Variants in MPPED1 observed in about 807,000 individuals in gnomAD.
The protein encoded by MPPED1 is metallophosphoesterase domain-containing protein 1.
In MPPED1, 16 loss-of-function variants were observed where a neutral mutation model predicts 36.2. That is an observed-to-expected ratio of 0.44 (90% confidence interval 0.30 to 0.67). The LOEUF (loss-of-function observed/expected upper bound fraction) is 0.67, where lower values mean the gene tolerates loss of function less well. MPPED1 is among the 30% of genes least tolerant of loss of function. The pLI is 0.10. For synonymous variants in MPPED1, 199 were observed against 191.3 expected, an observed-to-expected ratio of 1.04 and a Z score of -0.33; for missense variants, 307 against 453.4, an observed-to-expected ratio of 0.68 and a Z score of 2.93.
chr22:43,481,268 A>T (rs183579123), intron 4 of MPPED1, among the ~76,000 whole-genome samples: 212 of 152,262 alleles, frequency 1.4e-3, no homozygotes, highest in East Asian at 6.6e-3. Context: ...GCCTAGCACC[A>T]TGTGTAGAAA....
intron 3 of MPPED1, among the ~76,000 whole-genome samples, chr22:43,473,720 G>A (rs1015211602): frequency 1.3e-5 from 2 of 152,188 alleles, no homozygotes; most frequent in East Asian, 1.9e-4. Flanking sequence ...GGGCAGGGGC[G>A]AGTGGCGTTT....
intron 3 of MPPED1, among the ~76,000 whole-genome samples, chr22:43,470,429 A>C (rs1037273464): frequency 6.6e-6 from 1 of 152,124 alleles, no homozygotes; most frequent in African/African-American, 2.4e-5. Context: ...CCATTCATCC[A>C]TCCGTCCATC....
chr22:43,434,915 TG>T, intron 2 of MPPED1, 118 bp from the exon 3 acceptor site: 1 of 1,099,954 alleles, frequency 9.1e-7, no homozygotes. Flanking sequence ...GTCCCTGGTC[TG>T]GTGGATCTGA....
rs551140830 is a variant in MPPED1 at position 43,443,954 on chromosome 22, C to T, written c.406+8739C>T. ...CCAGTGTGATTGATAAACTGAGTGA[C>T]CACCTGGAGAGTGAGATCAAGGCTC... On this transcript the variant is annotated intron_variant, in intron 3 of 6. Transcript: ENST00000443721. Among the ~76,000 whole-genome samples, 10 of 152,242 alleles carry T rather than the reference C, an allele frequency of 6.6e-5. No individual in the cohort carries two copies. In the East Asian group the frequency reaches 1.9e-3, roughly 29 times the overall value.
intron 4 of MPPED1, among the ~76,000 whole-genome samples, chr22:43,492,314 C>CACAGTTGGG (rs2146906530): frequency 6.6e-6 from 1 of 152,192 alleles, no homozygotes; most frequent in African/African-American, 2.4e-5. Context: ...AAGATGAGCT[C>CACAGTTGGG]ACAGTTGGGT....
At chr22:43,469,116 G>A (rs1931272897) in intron 3 of MPPED1, among the ~76,000 whole-genome samples, 1 of 152,092 alleles carries the variant, frequency 6.6e-6, no homozygotes, top group Non-Finnish European at 1.5e-5. Flanking sequence ...CACCTGCTTG[G>A]AGAACAGCTA....
In MPPED1 at chr22:43,453,754, G is replaced by T. The variant is rs543347740; in HGVS notation, c.406+18539G>T. On this transcript the variant is annotated intron_variant, in intron 3 of 6. Coordinates refer to ENST00000443721, the MANE Select transcript of MPPED1 (RefSeq NM_001044370.2). Reference sequence around the variant, plus strand: ...CCTGCTCACACTTCTAGTTGTCTAAGATCCAGGCTCCCCAGATTATTTATT... The same window carrying T: ...CCTGCTCACACTTCTAGTTGTCTAATATCCAGGCTCCCCAGATTATTTATT... Among the ~76,000 whole-genome samples, 39 of 152,278 alleles carry T rather than the reference G, an allele frequency of 2.6e-4. 1 individual carries two copies. The South Asian group carries it at 7.9e-3, about 31-fold the overall frequency.
At chr22:43,453,749 T>G (rs1279478397) in intron 3 of MPPED1, among the ~76,000 whole-genome samples, 1 of 152,206 alleles carries the variant, frequency 6.6e-6, no homozygotes, top group Non-Finnish European at 1.5e-5. Context: ...CTTCTAGTTG[T>G]CTAAGATCCA....
At chr22:43,412,574 G>T (rs1024107355) in intron 1 of MPPED1, among the ~76,000 whole-genome samples, 2 of 152,160 alleles carry the variant, frequency 1.3e-5, no homozygotes, top group African/African-American at 4.8e-5. Flanking sequence ...ACTTGGGGGG[G>T]AAGAGATAGG....
intron 3 of MPPED1, among the ~76,000 whole-genome samples, chr22:43,440,986 G>T (rs1260474393): frequency 6.6e-6 from 1 of 151,734 alleles, no homozygotes; most frequent in South Asian, 2.1e-4. Flanking sequence ...CCATCCTTAG[G>T]CCTCTCACCC....
At position 43,505,576 on chromosome 22, in the gene MPPED1, C is replaced by T. The variant is rs776867879; in HGVS notation, c.941C>T (p.Pro314Leu). ...VCTVNYQPVNPPIVIDLPTPR... is the reference protein window; with the variant it reads ...VCTVNYQPVNLPIVIDLPTPR... ...ACTGTGAACTACCAGCCCGTGAACC[C>T]GCCCATAGTCATCGACCTCCCCACA... is the stretch of plus-strand genomic sequence containing the variant. Residue 314 changes from proline (P) to leucine (L), a missense_variant, in exon 7 of 7, where the codon CCG becomes CTG. This residue lies in a region of MPPED1 where 132 missense variants were observed against 212.3 expected (regional missense o/e 0.62). Coordinates refer to ENST00000443721, the MANE Select transcript of MPPED1 (RefSeq NM_001044370.2). The T allele has an allele frequency of 8.7e-6, 14 of 1,612,604 alleles. No individual in the cohort carries two copies. Among genetic ancestry groups the T allele is most frequent in the South Asian group, 1.1e-5 (1 of 90,648 alleles).
intron 4 of MPPED1, among the ~76,000 whole-genome samples, chr22:43,494,746 T>G (rs1932206537): frequency 1.0e-5 from 1 of 96,160 alleles, no homozygotes; most frequent in African/African-American, 4.4e-5. Flanking sequence ...CTTAGACCAT[T>G]CGGGCTGCTA....
intron 3 of MPPED1, among the ~76,000 whole-genome samples, chr22:43,447,869 A>ATATATATATATATATAT (rs1930406644): frequency 3.6e-5 from 1 of 28,022 alleles, no homozygotes; most frequent in African/African-American, 1.6e-4. Flanking sequence ...TTATATATAT[A>ATATATATATATATATAT]TATATATATA....
intron 3 of MPPED1, among the ~76,000 whole-genome samples, chr22:43,441,927 G>A (rs935854703): frequency 4.6e-5 from 7 of 152,268 alleles, no homozygotes; most frequent in South Asian, 2.1e-4. Context: ...GGCGCCTGCC[G>A]GCGGAATGGG....
chr22:43,426,132 G>A (rs1440135206), intron 2 of MPPED1, among the ~76,000 whole-genome samples: 2 of 152,184 alleles, frequency 1.3e-5, no homozygotes, highest in African/African-American at 2.4e-5. Flanking sequence ...GCCCAGGCCC[G>A]TGAGGTGCCC....
intron 5 of MPPED1, among the ~76,000 whole-genome samples, chr22:43,501,250 A>G (rs891158382): frequency 6.6e-6 from 1 of 152,184 alleles, no homozygotes; most frequent in African/African-American, 2.4e-5. Context: ...GTCATTGGTC[A>G]CTGACAGTGA....
intron 1 of MPPED1, among the ~76,000 whole-genome samples, chr22:43,420,346 A>G (rs2146813801): frequency 6.6e-6 from 1 of 152,054 alleles, no homozygotes; most frequent in East Asian, 1.9e-4. Context: ...CCCTCTGCCC[A>G]GGTTCTCATT....
At chr22:43,443,698 T>A (rs906488795) in intron 3 of MPPED1, among the ~76,000 whole-genome samples, 4 of 152,100 alleles carry the variant, frequency 2.6e-5, no homozygotes, top group African/African-American at 9.7e-5. Flanking sequence ...TTTTTTTTTT[T>A]AAAGAGCTAA....
intron 1 of MPPED1, chr22:43,416,941 C>A (rs1016559796): frequency 1.0e-5 from 10 of 981,306 alleles, no homozygotes; most frequent in Middle Eastern, 5.2e-4. Flanking sequence ...ACAAGCCCGG[C>A]GAGCCGACTG....
Sources: gnomAD v4.1 joint callset for allele counts (sites outside exome capture counted in the v4.1 genomes callset) on GRCh38, gnomAD v4.1.1 for gene constraint, gnomAD v4.1.1 regional missense constraint, MANE v1.5 for transcripts, NCBI Gene and HGNC (gene_info 2026-07-23, HGNC 2026-07-21) for gene names.